The following ACER3 variants were observed in gnomAD, a reference collection of about 807,000 sequenced individuals.
ACER3 encodes alkCDase 3.
ACER3 carries 16 observed loss-of-function variants against 48.9 expected under a neutral mutation model. The observed-to-expected ratio is 0.33, with a 90% confidence interval of 0.22 to 0.50. The LOEUF (loss-of-function observed/expected upper bound fraction) is 0.50. Ranked by LOEUF, ACER3 falls within the 20% of genes least tolerant of loss-of-function variation. The pLI is 0.98. For synonymous variants in ACER3, 109 were observed against 107.8 expected (o/e 1.01, Z -0.07); for missense variants, 227 against 326.0 (o/e 0.70, Z 2.34).
chr11:76,874,210 CTG>C lies in ACER3; in HGVS notation c.103+13133_103+13134del, dbSNP rs766184520. Reference sequence around the variant, plus strand: ...TCAAGATTCCTATCTGGACTTCACTCTGTTGAGCCTGTGACTTTGGGCAAATC... The same window carrying C: ...TCAAGATTCCTATCTGGACTTCACTCTTGAGCCTGTGACTTTGGGCAAATC... On this transcript the variant is annotated intron_variant, in intron 1 of 10. Transcript: ENST00000532485. Among the ~76,000 whole-genome samples, 199 of 152,272 alleles carry C rather than the reference CTG, an allele frequency of 1.3e-3. 1 individual carries two copies. The highest frequency in any genetic ancestry group is 1.8e-3 in the Non-Finnish European group (121 of 68,026).
At chr11:76,968,063 C>A (rs1052580389) in intron 3 of ACER3, among the ~76,000 whole-genome samples, 23 of 152,198 alleles carry the variant, frequency 1.5e-4, no homozygotes, top group Admixed American at 1.5e-3. Flanking sequence ...AGCCCAAAAT[C>A]TCCTTAGGCT....
chr11:76,937,913 G>A (rs1565188477), intron 2 of ACER3, among the ~76,000 whole-genome samples: 1 of 152,040 alleles, frequency 6.6e-6, no homozygotes, highest in African/African-American at 2.4e-5. Flanking sequence ...GCTTTCCTAC[G>A]TTTATTTACT....
At chr11:76,956,414 A>G (rs1326026897) in intron 2 of ACER3, among the ~76,000 whole-genome samples, 2 of 152,204 alleles carry the variant, frequency 1.3e-5, no homozygotes, top group Non-Finnish European at 2.9e-5. Flanking sequence ...AGGAATTTGA[A>G]ACCTCTGAGT....
intron 7 of ACER3, among the ~76,000 whole-genome samples, chr11:76,999,407 T>C (rs1340733912): frequency 6.6e-6 from 1 of 151,966 alleles, no homozygotes; most frequent in Non-Finnish European, 1.5e-5. Flanking sequence ...ATTAAACTTT[T>C]AGTATCTAGA....
intron 1 of ACER3, among the ~76,000 whole-genome samples, chr11:76,899,158 G>A (rs1946016430): frequency 6.6e-6 from 1 of 151,966 alleles, no homozygotes; most frequent in Non-Finnish European, 1.5e-5. Flanking sequence ...TGGCCTTTTT[G>A]CTAATATGAA....
intron 1 of ACER3, among the ~76,000 whole-genome samples, chr11:76,904,312 T>G (rs1232410024): frequency 1.3e-5 from 2 of 152,096 alleles, no homozygotes; most frequent in African/African-American, 2.4e-5. Flanking sequence ...CCCCTTATCT[T>G]AAGCATTTCT....
chr11:76,894,069 T>C (rs1945872297), intron 1 of ACER3, among the ~76,000 whole-genome samples: 1 of 152,092 alleles, frequency 6.6e-6, no homozygotes, highest in East Asian at 1.9e-4. Flanking sequence ...GGTGGAAGGA[T>C]CGCTTGAGCC....
chr11:76,986,032 A>C (rs1188012190), intron 5 of ACER3, among the ~76,000 whole-genome samples: 2 of 152,258 alleles, frequency 1.3e-5, no homozygotes, highest in Non-Finnish European at 2.9e-5. Context: ...CTATTTGTTA[A>C]AAATGAGAGA....
At chr11:76,934,434 C>T (rs1193084881) in intron 2 of ACER3, among the ~76,000 whole-genome samples, 1 of 152,250 alleles carries the variant, frequency 6.6e-6, no homozygotes, top group African/African-American at 2.4e-5. Flanking sequence ...GTCTGCAATC[C>T]CGGCACCTCG....
At chr11:76,979,965 C>A (rs1948546409) in intron 4 of ACER3, among the ~76,000 whole-genome samples, 1 of 151,630 alleles carries the variant, frequency 6.6e-6, no homozygotes, top group African/African-American at 2.4e-5. Flanking sequence ...ATAGGGAGAC[C>A]TTATCTCTAC....
chr11:76,910,370 T>C (rs946391420), intron 1 of ACER3, among the ~76,000 whole-genome samples: 2 of 152,218 alleles, frequency 1.3e-5, no homozygotes, highest in Non-Finnish European at 2.9e-5. Context: ...TTCCATTGAA[T>C]CTATTATTTT....
chr11:76,944,018 A>G (rs1291065417), intron 2 of ACER3, among the ~76,000 whole-genome samples: 4 of 150,092 alleles, frequency 2.7e-5, no homozygotes, highest in Non-Finnish European at 5.9e-5. Context: ...GTCTTTTTCT[A>G]CCCCTTTACT....
intron 1 of ACER3, among the ~76,000 whole-genome samples, chr11:76,894,039 C>A (rs1191582789): frequency 1.3e-5 from 2 of 152,064 alleles, no homozygotes; most frequent in Non-Finnish European, 2.9e-5. Flanking sequence ...GCCTATAATT[C>A]CAGCACTTTG....
chr11:76,998,418 A>G, intron 6 of ACER3: 1 of 54,424 alleles, frequency 1.8e-5, no homozygotes, highest in Non-Finnish European at 4.0e-5. Context: ...TATTTGCTGA[A>G]AGCAAAGCTA....
chr11:76,932,408 C>G (rs767445733), intron 2 of ACER3, among the ~76,000 whole-genome samples: 1 of 152,152 alleles, frequency 6.6e-6, no homozygotes, highest in East Asian at 1.9e-4. Flanking sequence ...ATATGAGAGA[C>G]TTTAATTTCA....
In ACER3 at chr11:77,007,036, C is replaced by T. The variant is rs1949165584; in HGVS notation, c.498-7980C>T. Among the ~76,000 whole-genome samples the T allele has an allele frequency of 3.3e-5, 5 of 150,668 alleles. No homozygotes were observed. The South Asian group carries it at 1.0e-3, about 32-fold the overall frequency. ...TTGAGGCAGGAGGATTGTTTGAACC[C>T]AGGAGTTCGAGGCTGCAGTGAGCTA... On this transcript the variant is annotated intron_variant, in intron 7 of 10. Coordinates refer to ENST00000532485, the MANE Select transcript of ACER3 (RefSeq NM_018367.7).
At chr11:76,879,978 A>T (rs1216169745) in intron 1 of ACER3, among the ~76,000 whole-genome samples, 3 of 152,082 alleles carry the variant, frequency 2.0e-5, no homozygotes, top group Non-Finnish European at 4.4e-5. Flanking sequence ...GCATAAAATT[A>T]TTTCTAATAT....
chr11:77,009,026 C>G (rs951432975), intron 7 of ACER3, among the ~76,000 whole-genome samples: 8 of 152,220 alleles, frequency 5.3e-5, no homozygotes, highest in Non-Finnish European at 8.8e-5. Context: ...TACCACTGCA[C>G]TCCAGCCTGA....
intron 1 of ACER3, among the ~76,000 whole-genome samples, chr11:76,870,467 C>T (rs1016035918): frequency 6.6e-6 from 1 of 152,070 alleles, no homozygotes; most frequent in Non-Finnish European, 1.5e-5. Context: ...TCAGTGTACA[C>T]TTGGGTTGCT....
Sources: allele counts gnomAD v4.1 joint callset (sites outside exome capture counted in the v4.1 genomes callset), GRCh38; gene constraint gnomAD v4.1.1; transcripts MANE v1.5; gene names NCBI Gene and HGNC (gene_info 2026-07-23, HGNC 2026-07-21).